Variants in IGFL4 observed in about 807,000 individuals in gnomAD.
IGFL4 encodes the protein insulin growth factor-like family member 4.
IGFL4 carries 12 observed loss-of-function variants against 15.4 expected under a neutral mutation model. The ratio of observed to expected loss-of-function variants is 0.78; its 90% CI spans 0.50 to 1.26. IGFL4 has a LOEUF of 1.26. Among genes scored for constraint, IGFL4 ranks in the 50% most tolerant of loss-of-function variants. The pLI is 0.00. For synonymous variants in IGFL4, 54 were observed against 55.9 expected (o/e 0.97, Z 0.16); for missense variants, 126 against 147.8 (o/e 0.85, Z 0.76).
At chr19:46,076,387 A>G (rs1293588096) in intron 1 of IGFL4, among the ~76,000 whole-genome samples, 1 of 152,130 alleles carries the variant, frequency 6.6e-6, no homozygotes, top group East Asian at 1.9e-4. Context: ...CCCCTTTGAC[A>G]TATTGTGATC....
At chr19:46,071,893 C>T (rs1969550183) in intron 1 of IGFL4, among the ~76,000 whole-genome samples, 1 of 152,140 alleles carries the variant, frequency 6.6e-6, no homozygotes, top group Non-Finnish European at 1.5e-5. Flanking sequence ...CATGGTGGCA[C>T]ATGCCTGTAG....
At position 46,040,540 on chromosome 19, in the gene IGFL4, A is replaced by C. The variant is rs1568709212; in HGVS notation, c.48T>G (p.Gly16=). The change falls in exon 2 of 4, where the codon GGT becomes GGG. Residue 16 remains glycine (G), a synonymous_variant. Transcript: ENST00000377697. The surrounding 1 kb of genome is among the most constrained non-coding windows in gnomAD (Gnocchi z 4.1). ...CACCTGTGACTCCTTCTGAGTTTGA[A>C]CCCAAAAGTTCAAAAATGAAGATGG... ...SAAIFIFELL[G]SNSEGVTDLR... The C allele has an allele frequency of 6.2e-7, 1 of 1,613,944 alleles. No individual in the cohort carries two copies. Among genetic ancestry groups the C allele is most frequent in the African/African-American group, 1.3e-5 (1 of 74,902 alleles).
intron 2 of IGFL4, among the ~76,000 whole-genome samples, chr19:46,052,966 GA>G (rs71175255): frequency 0.49 from 55,425 of 112,498 alleles, 12,414 homozygotes; most frequent in Non-Finnish European, 0.54. Context: ...AGTCAGAAAA[GA>G]AAAAAAAAAA....
chr19:46,057,472 A>T (rs1039860451), intron 2 of IGFL4, among the ~76,000 whole-genome samples: 11 of 152,344 alleles, frequency 7.2e-5, no homozygotes, highest in Admixed American at 7.2e-4. Flanking sequence ...GCTAACATTC[A>T]TGTATAATAA....
rs551164367 is a variant in IGFL4 at position 46,046,185 on chromosome 19, G to A, written c.-322-5075C>T. Among the ~76,000 whole-genome samples, 4 of 152,002 alleles carry A rather than the reference G, an allele frequency of 2.6e-5. No homozygotes were observed. In the South Asian group the frequency reaches 6.2e-4, roughly 24 times the overall value. On this transcript the variant is annotated intron_variant, in intron 2 of 5. Transcript: ENST00000601672. ...TAAGCTTCATAAGTGGAGAAATAAG[G>A]TCCTTTTCAGACAAGCAAATGCTGT...
rs145399842 is a variant in IGFL4 at position 46,040,986 on chromosome 19, C to G, written c.-24G>C. 2,328 of 1,575,356 alleles carry G rather than the reference C, an allele frequency of 1.5e-3. 42 individuals are homozygous for G. The African/African-American group carries it at 0.027, about 19-fold the overall frequency. On this transcript the variant is annotated 5_prime_UTR_variant, in exon 1 of 4. Coordinates refer to ENST00000377697, the MANE Select transcript of IGFL4 (RefSeq NM_001002923.3). This position sits in a 1 kb window ranked among gnomAD's most constrained non-coding sequence, Gnocchi z 4.1. The stretch of plus-strand genomic sequence containing the variant: ...ATGGGTTAGGCTTCAGAGCAGCGGA[C>G]GAGGGAGCAGCAGTGGAAATGGGTC...
At chr19:46,065,373 A>G (rs1317663641) in intron 1 of IGFL4, among the ~76,000 whole-genome samples, 1 of 152,040 alleles carries the variant, frequency 6.6e-6, no homozygotes, top group Non-Finnish European at 1.5e-5. Context: ...CCCAGGCTGG[A>G]GTGCAGCGGC....
Position 46,039,958 on chromosome 19 carries a change from A to G in IGFL4, c.331-22T>C, listed in dbSNP as rs182841655. 5.6e-6 allele frequency: 9 copies of G among 1,607,050 alleles called. No individual in the cohort carries two copies. In the East Asian group the frequency reaches 1.8e-4, roughly 32 times the overall value. ...ATTCCTGCAGAAGGAGAGAAGTGGG[A>G]GAGGGGAATAAGAGGGAGGGTGGTA... On this transcript the variant is annotated intron_variant, in intron 3 of 3. Transcript: ENST00000377697.
At chr19:46,057,377 T>C (rs1969402725) in intron 2 of IGFL4, among the ~76,000 whole-genome samples, 1 of 152,124 alleles carries the variant, frequency 6.6e-6, no homozygotes, top group South Asian at 2.1e-4. Flanking sequence ...TAACTGGATT[T>C]GAGTTGGCTG....
chr19:46,040,376 C>T lies in IGFL4; in HGVS notation c.111G>A (p.Gly37=), dbSNP rs1969227998. The T allele has an allele frequency of 1.2e-6, 2 of 1,614,078 alleles. No individual in the cohort carries two copies. The highest frequency in any genetic ancestry group is 1.7e-6 in the Non-Finnish European group (2 of 1,180,040). The change falls in exon 3 of 4, where the codon GGG becomes GGA. Residue 37 remains glycine, a synonymous_variant. Transcript: ENST00000377697. This position sits in a 1 kb window ranked among gnomAD's most constrained non-coding sequence, Gnocchi z 4.1. ...LWLCQPAPRC[G]EWTYNPLEQC... is the part of the protein sequence containing the mutation. ...GCTCCAAGGGGTTGTAGGTCCACTC[C>T]CCGCACCTGGGCGCTGGCTGGCATA... is the stretch of plus-strand genomic sequence containing the variant.
chr19:46,055,328 A>G (rs919329505), intron 2 of IGFL4, among the ~76,000 whole-genome samples: 1 of 151,892 alleles, frequency 6.6e-6, no homozygotes, highest in Admixed American at 6.6e-5. Context: ...CAGGAGTTCA[A>G]CAGTTTCTCC....
At chr19:46,074,659 C>T (rs1019849037) in intron 1 of IGFL4, among the ~76,000 whole-genome samples, 28 of 152,218 alleles carry the variant, frequency 1.8e-4, no homozygotes, top group African/African-American at 6.7e-4. Context: ...ACAGTCTAGT[C>T]TTTTCACATT....
chr19:46,052,966 GAAAAA>G (rs71175255), intron 2 of IGFL4, among the ~76,000 whole-genome samples: 2 of 112,458 alleles, frequency 1.8e-5, no homozygotes, highest in African/African-American at 6.8e-5. Flanking sequence ...AGTCAGAAAA[GAAAAA>G]AAAAAAAAAA....
At chr19:46,071,515 T>A (rs1345480313) in intron 1 of IGFL4, among the ~76,000 whole-genome samples, 3 of 152,062 alleles carry the variant, frequency 2.0e-5, no homozygotes, top group Non-Finnish European at 4.4e-5. Context: ...TAATCTTCAT[T>A]GAAGTGGGGA....
chr19:46,047,519 T>A (rs1969307901), intron 2 of IGFL4, among the ~76,000 whole-genome samples: 1 of 152,000 alleles, frequency 6.6e-6, no homozygotes, highest in East Asian at 1.9e-4. Flanking sequence ...ATAGATAGAC[T>A]GCTAGCCAGA....
Position 46,040,628 on chromosome 19 carries a change from A to C in IGFL4, c.20-60T>G. The C allele has an allele frequency of 6.4e-7, 1 of 1,564,192 alleles. No homozygotes were observed. Among genetic ancestry groups the C allele is most frequent in the Non-Finnish European group, 8.8e-7 (1 of 1,136,040 alleles). ...GGTCACTAGGTCTTGACCACGGGGC[A>C]CAGGATGATGTCTCTGAGCTTCTCT... On this transcript the variant is annotated intron_variant, in intron 1 of 3. Transcript: ENST00000377697. This position sits in a 1 kb window ranked among gnomAD's most constrained non-coding sequence, Gnocchi z 4.1.
intron 2 of IGFL4, among the ~76,000 whole-genome samples, chr19:46,051,074 C>T (rs182435283): frequency 6.6e-6 from 1 of 152,238 alleles, no homozygotes. Context: ...GAAGCTAAGC[C>T]TCATAAATGA....
At chr19:46,050,635 A>T (rs1309877082) in intron 2 of IGFL4, among the ~76,000 whole-genome samples, 1 of 152,228 alleles carries the variant, frequency 6.6e-6, no homozygotes, top group Non-Finnish European at 1.5e-5. Flanking sequence ...AAAGAATTTT[A>T]AAAAATGAAC....
chr19:46,063,931 G>T (rs1025890010), intron 1 of IGFL4, among the ~76,000 whole-genome samples: 1 of 152,076 alleles, frequency 6.6e-6, no homozygotes, highest in African/African-American at 2.4e-5. Context: ...CTGTAGGCAG[G>T]CATAGTGGCA....
Sources: gnomAD v4.1 joint callset for allele counts (sites outside exome capture counted in the v4.1 genomes callset) on GRCh38, gnomAD v4.1.1 for gene constraint, Gnocchi (gnomAD v3.1) non-coding constraint, MANE v1.5 for transcripts, NCBI Gene and HGNC (gene_info 2026-07-23, HGNC 2026-07-21) for gene names.